The following FAT1 variants were observed in gnomAD, a reference collection of about 807,000 sequenced individuals.
The protein encoded by FAT1 is protocadherin Fat 1.
In FAT1, 171 loss-of-function variants were observed where a neutral mutation model predicts 329.8. That is an observed-to-expected ratio of 0.52 (90% confidence interval 0.46 to 0.59). The LOEUF (loss-of-function observed/expected upper bound fraction) is 0.59, where lower values mean the gene tolerates loss of function less well. FAT1 is among the 20% of genes least tolerant of loss of function. The pLI, the probability that FAT1 is intolerant of heterozygous loss-of-function variation, is 0.00. For synonymous variants in FAT1, 2,233 were observed against 2,228.6 expected, an observed-to-expected ratio of 1.00 and a Z score of -0.06; for missense variants, 5,672 against 5,774.4, an observed-to-expected ratio of 0.98 and a Z score of 0.57.
chr4:186,671,391 AT>A (rs1215523742), intron 2 of FAT1, among the ~76,000 whole-genome samples: 2 of 152,184 alleles, frequency 1.3e-5, no homozygotes, highest in Non-Finnish European at 2.9e-5. Context: ...AATTTCTGCA[AT>A]TTAGCCTTTC....
intron 2 of FAT1, among the ~76,000 whole-genome samples, chr4:186,683,537 G>T (rs1329600594): frequency 6.6e-6 from 1 of 152,168 alleles, no homozygotes; most frequent in Non-Finnish European, 1.5e-5. Flanking sequence ...TCTTGCCTCT[G>T]TGAAATTTTC....
rs778337700 is a variant in FAT1 at position 186,613,231 on chromosome 4, G to A, written c.9341C>T (p.Thr3114Met). The A allele has an allele frequency of 1.6e-5, 26 of 1,613,708 alleles. No individual in the cohort carries two copies. Among genetic ancestry groups the A allele is most frequent in the East Asian group, 4.5e-5 (2 of 44,896 alleles). Reference protein sequence around the residue: ...GRFCQASIVLTLEDVNDNAPE... With the variant: ...GRFCQASIVLMLEDVNDNAPE... Reference sequence around the variant, plus strand: ...GGCGTTATCGTTCACATCTTCTAGCGTGAGCACAATACTGGCTTGGCAGAA... The same window carrying A: ...GGCGTTATCGTTCACATCTTCTAGCATGAGCACAATACTGGCTTGGCAGAA... Residue 3114 changes from threonine to methionine, a missense_variant, in exon 13 of 27, where the codon ACG becomes ATG. Coordinates refer to ENST00000441802, the MANE Select transcript of FAT1 (RefSeq NM_005245.4).
At chr4:186,720,417 A>G (rs6839642) in intron 1 of FAT1, among the ~76,000 whole-genome samples, 1 of 152,028 alleles carries the variant, frequency 6.6e-6, no homozygotes, top group African/African-American at 2.4e-5. Context: ...CTAAGATAAC[A>G]TGGTACGGTG....
chr4:186,651,623 G>C (rs1164878975), intron 3 of FAT1, among the ~76,000 whole-genome samples: 1 of 152,152 alleles, frequency 6.6e-6, no homozygotes, highest in Non-Finnish European at 1.5e-5. Context: ...ACACACACCA[G>C]AGCCAACACT....
At chr4:186,623,402 C>A (rs1192869513) in intron 9 of FAT1, among the ~76,000 whole-genome samples, 1 of 152,238 alleles carries the variant, frequency 6.6e-6, no homozygotes, top group Non-Finnish European at 1.5e-5. Context: ...TGACTGACTG[C>A]CTGGCCTGAC....
At position 186,619,010 on chromosome 4, in the gene FAT1, G is replaced by A. The variant is rs1401234994; in HGVS notation, c.7576C>T (p.His2526Tyr). The A allele has an allele frequency of 4.3e-6, 7 of 1,613,822 alleles. No homozygotes were observed. The highest frequency in any genetic ancestry group is 5.9e-6 in the Non-Finnish European group (7 of 1,179,888). Residue 2526 changes from histidine (H) to tyrosine (Y), a missense_variant, in exon 10 of 27, where the codon CAC (histidine) becomes TAC (tyrosine). Around this residue, in one of 2 missense-constraint regions of FAT1, gnomAD observed 3,966 missense variants for 3,915.2 expected, o/e 1.01. Coordinates refer to ENST00000441802, the MANE Select transcript of FAT1 (RefSeq NM_005245.4). ...TCATTTACAATATGGTAAGTAACGT[G>A]ACCATAAATACCAGAATCCCCATCC... is the stretch of plus-strand genomic sequence containing the variant. ...TTDGDSGIYG[H>Y]VTYHIVNDFA...
rs140935307 is a variant in FAT1, at chr4:186,707,665, C to T, written c.2163G>A (p.Pro721=). The change falls in exon 2 of 27, where the codon CCG becomes CCA. Residue 721 remains proline (P), a synonymous_variant. Coordinates refer to ENST00000441802, the MANE Select transcript of FAT1 (RefSeq NM_005245.4). ...AHIPQFRSTL[P]TGIQVKENQP... ...GGTTTTCCTTTACCTGAATACCAGT[C>T]GGAAGAGTGCTTCTAAACTGCGGTA... 7,824 of 1,613,942 alleles carry T rather than the reference C, an allele frequency of 4.8e-3. 27 individuals are homozygous for T. The highest frequency in any genetic ancestry group is 6.3e-3 in the Admixed American group (377 of 60,018).
intron 9 of FAT1, among the ~76,000 whole-genome samples, chr4:186,627,352 A>G (rs1168950748): frequency 2.0e-5 from 3 of 148,614 alleles, no homozygotes; most frequent in Admixed American, 6.7e-5. Flanking sequence ...GACACATAAA[A>G]CGAGCTTCAT....
rs777226095 is a variant in FAT1 at position 186,619,432 on chromosome 4, T to C, written c.7154A>G (p.Asp2385Gly). 1 of 1,614,048 alleles carries C rather than the reference T, an allele frequency of 6.2e-7. No individual in the cohort carries two copies. Among genetic ancestry groups the C allele is most frequent in the South Asian group, 1.1e-5 (1 of 91,082 alleles). The change falls in exon 10 of 27, where the codon GAT becomes GGT. Residue 2385 changes from aspartate to glycine, a missense_variant. Around this residue, in one of 2 missense-constraint regions of FAT1, gnomAD observed 3,966 missense variants for 3,915.2 expected, o/e 1.01. Coordinates refer to ENST00000441802, the MANE Select transcript of FAT1 (RefSeq NM_005245.4). ...CTGTTGTTCAAAGAGTGGTGGATTATCATTGAGGTCGGTAACGTCCACCGT... is the reference window on the plus strand; with the variant it reads ...CTGTTGTTCAAAGAGTGGTGGATTACCATTGAGGTCGGTAACGTCCACCGT... ...IVTVDVTDLNDNPPLFEQQIY... is the reference protein window; with the variant it reads ...IVTVDVTDLNGNPPLFEQQIY...
At chr4:186,684,013 C>T (rs1743347876) in intron 2 of FAT1, among the ~76,000 whole-genome samples, 1 of 151,914 alleles carries the variant, frequency 6.6e-6, no homozygotes, top group African/African-American at 2.4e-5. Flanking sequence ...CGAGCCAACA[C>T]ACAGGCATTA....
chr4:186,683,046 C>T (rs572200378), intron 2 of FAT1, among the ~76,000 whole-genome samples: 4 of 152,296 alleles, frequency 2.6e-5, no homozygotes, highest in Non-Finnish European at 5.9e-5. Context: ...CATGTCCTGG[C>T]CACGCACCTA....
chr4:186,606,246 T>C, intron 16 of FAT1, 33 bp from the exon 17 acceptor site: 1 of 1,610,596 alleles, frequency 6.2e-7, no homozygotes. Flanking sequence ...GCACGTTCAT[T>C]TTCACAAGGC....
At chr4:186,625,319 C>T (rs1353344972) in intron 9 of FAT1, among the ~76,000 whole-genome samples, 1 of 152,180 alleles carries the variant, frequency 6.6e-6, no homozygotes. Context: ...TTACTCAAGG[C>T]ACTAACTACA....
In FAT1 at chr4:186,714,831, G is replaced by A. The variant is rs532079764; in HGVS notation, c.-18-4986C>T. Among the ~76,000 whole-genome samples the A allele has an allele frequency of 9.8e-5, 15 of 152,366 alleles. No homozygotes were observed. The East Asian group carries it at 1.7e-3, about 18-fold the overall frequency. On this transcript the variant is annotated intron_variant, in intron 1 of 26. Coordinates refer to ENST00000441802, the MANE Select transcript of FAT1 (RefSeq NM_005245.4). ...GCGGTGGCTCACGCCTGTAATCCCA[G>A]CACTTCGGGAGGCCGAGGCAGGCGG...
At chr4:186,689,188 C>T (rs769665401) in intron 2 of FAT1, among the ~76,000 whole-genome samples, 22 of 151,824 alleles carry the variant, frequency 1.4e-4, no homozygotes, top group Non-Finnish European at 2.4e-4. Context: ...TGGAAAATCA[C>T]TCTGTAAAAA....
chr4:186,597,361 T>C (rs1354628658), intron 24 of FAT1, 190 bp from the exon 25 acceptor site: 1 of 623,906 alleles, frequency 1.6e-6, no homozygotes, highest in Non-Finnish European at 2.7e-6. Flanking sequence ...AAACCAATCA[T>C]GTGATCGCAT....
rs1179116111 is a variant in FAT1 at position 186,621,508 on chromosome 4, C to G, written c.5078G>C (p.Ser1693Thr). 1 of 1,614,054 alleles carries G rather than the reference C, an allele frequency of 6.2e-7. No homozygotes were observed. Among genetic ancestry groups the G allele is most frequent in the South Asian group, 1.1e-5 (1 of 91,078 alleles). Reference sequence around the variant, plus strand: ...TATTTCATACACCACTGATGATTGACTATGGGCTGTAACCATCCCAACGAA... The same window carrying G: ...TATTTCATACACCACTGATGATTGAGTATGGGCTGTAACCATCCCAACGAA... ...GSFVGMVTAH[S>T]QSSVVYEIKD... Residue 1693 changes from serine (S) to threonine (T), a missense_variant, in exon 10 of 27, where the codon AGT (serine) becomes ACT (threonine). Coordinates refer to ENST00000441802, the MANE Select transcript of FAT1 (RefSeq NM_005245.4).
chr4:186,610,546 T>TAGTCCTAA lies in FAT1; in HGVS notation c.9854-539_9854-532dup, dbSNP rs1739356477. Among the ~76,000 whole-genome samples, 3 of 147,192 alleles carry TAGTCCTAA rather than the reference T, an allele frequency of 2.0e-5. No individual in the cohort carries two copies. In the South Asian group the frequency reaches 6.3e-4, roughly 31 times the overall value. ...CCTTTTAACATCTTTCACATCATTC[T>TAGTCCTAA]AGTCCTAAAGAGCCCTAAAAATAAT... On this transcript the variant is annotated intron_variant, in intron 14 of 26. Coordinates refer to ENST00000441802, the MANE Select transcript of FAT1 (RefSeq NM_005245.4).
chr4:186,621,318 C>G lies in FAT1; in HGVS notation c.5268G>C (p.Gln1756His), dbSNP rs762068021. 1 of 1,614,032 alleles carries G rather than the reference C, an allele frequency of 6.2e-7. No individual in the cohort carries two copies. Among genetic ancestry groups the G allele is most frequent in the Non-Finnish European group, 8.5e-7 (1 of 1,179,900 alleles). Residue 1756 changes from glutamine to histidine, a missense_variant, in exon 10 of 27, where the codon CAG (glutamine) becomes CAC (histidine). Around this residue, in one of 2 missense-constraint regions of FAT1, gnomAD observed 3,966 missense variants for 3,915.2 expected, o/e 1.01. Transcript: ENST00000441802. The part of the protein sequence containing the change: ...STNTTVLVHL[Q>H]DENDNAPVFM... ...AAACTGGCGCGTTGTCATTCTCATCCTGCAAGTGAACTAGAACCGTTGTAT... is the reference window on the plus strand; with the variant it reads ...AAACTGGCGCGTTGTCATTCTCATCGTGCAAGTGAACTAGAACCGTTGTAT...
Sources: allele counts gnomAD v4.1 joint callset (sites outside exome capture counted in the v4.1 genomes callset), GRCh38; gene constraint gnomAD v4.1.1; regional missense constraint gnomAD v4.1.1; transcripts MANE v1.5; gene names NCBI Gene and HGNC (gene_info 2026-07-23, HGNC 2026-07-21).